SV2C: variants seen among roughly 807,000 people sequenced by gnomAD.
SV2C encodes the protein solute carrier family 22 member B3.
A neutral mutation model predicts 79.7 loss-of-function variants in SV2C; 49 were observed. The observed-to-expected ratio is 0.61, with a 90% confidence interval of 0.49 to 0.78. The LOEUF (loss-of-function observed/expected upper bound fraction) is 0.78. Among genes scored for constraint, SV2C ranks in the 30% least tolerant of loss-of-function variants. The probability of loss-of-function intolerance (pLI) is 0.00; values close to 1 mark genes in which losing one functional copy is unlikely to be tolerated. For synonymous variants in SV2C, 334 were observed against 333.2 expected (o/e 1.00, Z -0.03); for missense variants, 833 against 912.9 (o/e 0.91, Z 1.13).
the SV2C span, among the ~76,000 whole-genome samples, chr5:76,054,221 C>T: frequency 7.2e-5 from 11 of 152,166 alleles, no homozygotes; most frequent in African/African-American, 2.2e-4. Flanking sequence ...TCCACACCCA[C>T]TTATGAGTGA....
chr5:76,068,485 A>G, the SV2C span, among the ~76,000 whole-genome samples: 1 of 151,970 alleles, frequency 6.6e-6, no homozygotes, highest in Non-Finnish European at 1.5e-5. Context: ...TCCACACTTG[A>G]GATTGTTCCA....
intron 4 of SV2C, among the ~76,000 whole-genome samples, chr5:76,271,322 G>A (rs77860972): frequency 4.6e-5 from 7 of 152,144 alleles, no homozygotes; most frequent in Non-Finnish European, 1.0e-4. Flanking sequence ...TTTTATAACA[G>A]GTATATTGTT....
chr5:75,889,769 A>G, the SV2C span, among the ~76,000 whole-genome samples: 2,955 of 152,224 alleles, frequency 0.019, 53 homozygotes, highest in African/African-American at 0.053. Flanking sequence ...GAATGGATAA[A>G]TGCTTTCAAA....
intron 7 of SV2C, 61 bp from the exon 8 acceptor site, chr5:76,291,707 G>C: frequency 8.6e-7 from 1 of 1,165,612 alleles, no homozygotes; most frequent in East Asian, 2.5e-5. Flanking sequence ...GGTGGAAGGG[G>C]TCGGGGAGTG....
At chr5:76,221,007 C>A (rs1745050371) in intron 4 of SV2C, among the ~76,000 whole-genome samples, 1 of 152,186 alleles carries the variant, frequency 6.6e-6, no homozygotes, top group Non-Finnish European at 1.5e-5. Context: ...AGGGAGAATA[C>A]AAATCAGTGT....
chr5:76,350,049 T>C (rs1340670125), intron 12 of SV2C, among the ~76,000 whole-genome samples: 1 of 152,204 alleles, frequency 6.6e-6, no homozygotes, highest in Non-Finnish European at 1.5e-5. Context: ...GTTCTGGTTT[T>C]ATGGACTCAA....
At chr5:75,961,174 A>G in the SV2C span, among the ~76,000 whole-genome samples, 1 of 152,046 alleles carries the variant, frequency 6.6e-6, no homozygotes, top group Admixed American at 6.6e-5. Context: ...ATGGTAAGCT[A>G]TGGTTTCTGT....
the SV2C span, among the ~76,000 whole-genome samples, chr5:75,976,532 C>T: frequency 5.2e-4 from 79 of 151,942 alleles, 1 homozygote; most frequent in Non-Finnish European, 2.2e-4. Context: ...AGTCCAGTCT[C>T]GGTGGTTACC....
chr5:76,086,483 A>T (rs1171860543), intron 1 of SV2C, among the ~76,000 whole-genome samples: 1 of 152,204 alleles, frequency 6.6e-6, no homozygotes, highest in African/African-American at 2.4e-5. Flanking sequence ...AGCTATATCA[A>T]GGGAAAACCT....
chr5:75,915,379 AC>A, the SV2C span, among the ~76,000 whole-genome samples: 1 of 152,222 alleles, frequency 6.6e-6, no homozygotes, highest in Non-Finnish European at 1.5e-5. Flanking sequence ...AAGCTGCCAA[AC>A]AATGAAGTAA....
intron 3 of SV2C, among the ~76,000 whole-genome samples, chr5:76,206,999 T>A (rs570437118): frequency 6.6e-6 from 1 of 152,274 alleles, no homozygotes; most frequent in South Asian, 2.1e-4. Flanking sequence ...CAAACAAGTA[T>A]TGAGAGACAT....
upstream of SV2C, chr5:76,079,661 C>A: frequency 2.9e-6 from 1 of 340,900 alleles, no homozygotes. Context: ...TGAAGAACAG[C>A]TTGGGTGCCT....
At chr5:76,105,853 A>G (rs1204098194) in intron 1 of SV2C, among the ~76,000 whole-genome samples, 3 of 151,310 alleles carry the variant, frequency 2.0e-5, no homozygotes, top group African/African-American at 4.9e-5. Context: ...CTTCTCCCCA[A>G]TCTCTTAGCT....
In SV2C at chr5:76,317,047, C is replaced by T. The variant is rs150749663; in HGVS notation, c.2001-8317C>T. On this transcript the variant is annotated intron_variant, in intron 12 of 12. Transcript: ENST00000502798. The stretch of plus-strand genomic sequence containing the variant: ...AATGATTATATGAATATGAAAAAAA[C>T]GCATAGAATATGTAAATTAGGAGTG... Among the ~76,000 whole-genome samples, 687 of 151,798 alleles carry T rather than the reference C, an allele frequency of 4.5e-3. 1 individual carries two copies. Among genetic ancestry groups the T allele is most frequent in the Non-Finnish European group, 6.4e-3 (435 of 67,956 alleles).
the SV2C span, among the ~76,000 whole-genome samples, chr5:76,008,785 C>T: frequency 6.6e-6 from 1 of 152,146 alleles, no homozygotes; most frequent in Non-Finnish European, 1.5e-5. Context: ...CTAAACCCTG[C>T]AATGACTTCT....
At chr5:75,966,542 C>A in the SV2C span, among the ~76,000 whole-genome samples, 27 of 152,320 alleles carry the variant, frequency 1.8e-4, no homozygotes, top group Admixed American at 7.2e-4. Flanking sequence ...TGACAGTTTA[C>A]AAATGCTACA....
At chr5:76,041,380 A>G in the SV2C span, among the ~76,000 whole-genome samples, 1 of 152,144 alleles carries the variant, frequency 6.6e-6, no homozygotes, top group African/African-American at 2.4e-5. Flanking sequence ...CCTAGCCTAC[A>G]TATCCAAGAA....
chr5:76,031,969 T>C, the SV2C span, among the ~76,000 whole-genome samples: 8 of 152,186 alleles, frequency 5.3e-5, no homozygotes, highest in Non-Finnish European at 1.0e-4. Context: ...CTGAGTAAGA[T>C]GGAAAGGTAG....
chr5:75,960,893 G>A, the SV2C span, among the ~76,000 whole-genome samples: 1 of 151,808 alleles, frequency 6.6e-6, no homozygotes, highest in Non-Finnish European at 1.5e-5. Context: ...ACTTCCTTGT[G>A]CTCTAATACC....
Sources: allele counts gnomAD v4.1 joint callset (sites outside exome capture counted in the v4.1 genomes callset), GRCh38; gene constraint gnomAD v4.1.1; transcripts MANE v1.5; gene names NCBI Gene and HGNC (gene_info 2026-07-23, HGNC 2026-07-21).